Variants in SF3B2 observed in about 807,000 individuals in gnomAD.
SF3B2 encodes splicing factor 3b subunit 2.
In SF3B2, 22 loss-of-function variants were observed where a neutral mutation model predicts 116.3. That is an observed-to-expected ratio of 0.19 (90% CI 0.14 to 0.27). The LOEUF is 0.27. Among genes scored for constraint, SF3B2 ranks in the 10% least tolerant of loss-of-function variants. SF3B2 has a pLI of 1.00. For missense variants in SF3B2, 767 were observed against 1,151.4 expected (o/e 0.67, Z 4.83); for synonymous variants, 406 against 421.6 (o/e 0.96, Z 0.45).
intron 19 of SF3B2, 165 bp from the exon 20 acceptor site, chr11:66,067,781 G>A (rs1005602071): frequency 1.8e-5 from 11 of 617,682 alleles, no homozygotes; most frequent in African/African-American, 7.4e-5. Flanking sequence ...CCACCCCCCC[G>A]CCCAATTCTT....
chr11:66,061,653 T>G (rs374302125), intron 14 of SF3B2, 33 bp from the exon 15 acceptor site: 52 of 1,526,424 alleles, frequency 3.4e-5, no homozygotes, highest in Non-Finnish European at 4.7e-5. Context: ...AGTGTCTGGG[T>G]CTACAATGTA....
chr11:66,061,892 A>G lies in SF3B2; in HGVS notation c.1871A>G (p.Asn624Ser). The G allele has an allele frequency of 6.2e-7, 1 of 1,612,022 alleles. No homozygotes were observed. The highest frequency in any genetic ancestry group is 8.5e-7 in the Non-Finnish European group (1 of 1,178,354). ...RISLGMPVGPNAHKVPPPWLI... is the reference protein window; with the variant it reads ...RISLGMPVGPSAHKVPPPWLI... ...TATCCTGTTCTCTTTTTCCTGCAGA[A>G]TGCCCACAAGGTCCCTCCCCCATGG... The change falls in exon 16 of 22, where the codon AAT (asparagine) becomes AGT (serine). Residue 624 changes from asparagine to serine, a missense_variant and splice_region_variant. Coordinates refer to ENST00000322535, the MANE Select transcript of SF3B2 (RefSeq NM_006842.3).
rs1590714932 is a variant in SF3B2 at position 66,061,745 on chromosome 11, A to G, written c.1839A>G (p.Leu613=). 1 of 1,614,198 alleles carries G rather than the reference A, an allele frequency of 6.2e-7. No homozygotes were observed. Residue 613 remains leucine (L), a synonymous_variant, in exon 15 of 22, where the codon CTA becomes CTG. Coordinates refer to ENST00000322535, the MANE Select transcript of SF3B2 (RefSeq NM_006842.3). ...AGCCAGGAGATCTGTCTGATGAGCT[A>G]AGGATTTCCTTGGGGATGCCAGTAG... is the stretch of plus-strand genomic sequence containing the variant. ...EKKPGDLSDE[L]RISLGMPVGP...
chr11:66,064,651 C>T (rs1857149949), intron 19 of SF3B2: 1 of 151,906 alleles, frequency 6.6e-6, no homozygotes, highest in Admixed American at 6.6e-5. Flanking sequence ...TATCATTTTT[C>T]CTCTGCCTGA....
In SF3B2 at chr11:66,068,259, G is replaced by A. The variant is rs763521352; in HGVS notation, c.2542G>A (p.Val848Met). Residue 848 changes from valine (V) to methionine (M), a missense_variant, in exon 21 of 22, where the codon GTG becomes ATG. Val to Met is a conservative substitution (Grantham distance 21, BLOSUM62 1). Coordinates refer to ENST00000322535, the MANE Select transcript of SF3B2 (RefSeq NM_006842.3). ...MAMTQKYEEH[V>M]REQQAQVEKE... ...CATGACCCAGAAGTATGAGGAGCAT[G>A]TGCGGGAGCAGCAGGCTCAAGTAGA... 1.2e-6 allele frequency: 2 copies of A among 1,614,076 alleles called. No individual in the cohort carries two copies. The highest frequency in any genetic ancestry group is 3.3e-5 in the Admixed American group (2 of 60,034).
intron 13 of SF3B2, 40 bp downstream of exon 13, chr11:66,060,049 C>G (rs1319815133): frequency 3.2e-6 from 5 of 1,573,072 alleles, no homozygotes; most frequent in Non-Finnish European, 4.4e-6. Flanking sequence ...CCCGGGTGTC[C>G]CCATCCTTCA....
intron 1 of SF3B2, 34 bp from the exon 2 acceptor site, chr11:66,052,639 G>A (rs1273210082): frequency 6.3e-7 from 1 of 1,598,030 alleles, no homozygotes; most frequent in Non-Finnish European, 8.5e-7. Context: ...GGCCGGGCTG[G>A]CCTGCCCCAT....
chr11:66,068,109 G>A, intron 20 of SF3B2, 39 bp from the exon 21 acceptor site: 1 of 1,612,576 alleles, frequency 6.2e-7, no homozygotes, highest in Non-Finnish European at 8.5e-7. Context: ...GGGCTTCTCT[G>A]ACTCTTTGGA....
chr11:66,059,236 G>A lies in SF3B2; in HGVS notation c.1218G>A (p.Glu406=). 1 of 1,614,072 alleles carries A rather than the reference G, an allele frequency of 6.2e-7. No individual in the cohort carries two copies. Among genetic ancestry groups the A allele is most frequent in the Non-Finnish European group, 8.5e-7 (1 of 1,180,016 alleles). ...TDDVKKEKEK[E]PEKLDKLENS... is the part of the protein sequence containing the mutation. ...ATGTGAAGAAGGAGAAAGAGAAGGA[G>A]CCAGAGAAACTTGACAAACTGGAGA... The change falls in exon 11 of 22, where the codon GAG becomes GAA. Residue 406 remains glutamate, a synonymous_variant. Coordinates refer to ENST00000322535, the MANE Select transcript of SF3B2 (RefSeq NM_006842.3). The surrounding 1 kb of genome is among the most constrained non-coding windows in gnomAD (Gnocchi z 5.0).
At position 66,059,554 on chromosome 11, in the gene SF3B2, T is replaced by C. The variant is rs1857065473; in HGVS notation, c.1360T>C (p.Leu454=). The C allele has an allele frequency of 1.2e-6, 2 of 1,613,828 alleles. No individual in the cohort carries two copies. The highest frequency in any genetic ancestry group is 1.7e-5 in the Admixed American group (1 of 59,988). The change falls in exon 12 of 22, where the codon TTG becomes CTG. Residue 454 remains leucine (L), a synonymous_variant. Transcript: ENST00000322535. The surrounding 1 kb of genome is among the most constrained non-coding windows in gnomAD (Gnocchi z 5.0). The stretch of plus-strand genomic sequence containing the variant: ...AGCCCCCAAGCTGTCCAAGAAGAAG[T>C]TGCGCCGAATGAACCGCTTCACTGT... ...PEAPKLSKKK[L]RRMNRFTVAE...
rs1565088065 is a variant in SF3B2, at chr11:66,057,337, CGTG to C, written c.742_744del (p.Gly248del). ...CATGGGAGCCCCTGTTCCCCGGCCT[CGTG>C]GTCCCCCACCGCCCCCTGGAGATGA... On this transcript the variant is annotated inframe_deletion, in exon 7 of 22. Transcript: ENST00000322535. 1 of 1,587,004 alleles carries C rather than the reference CGTG, an allele frequency of 6.3e-7. No individual in the cohort carries two copies. The highest frequency in any genetic ancestry group is 8.7e-7 in the Non-Finnish European group (1 of 1,155,158).
chr11:66,062,597 T>C (rs1468604564), intron 16 of SF3B2, among the ~76,000 whole-genome samples: 1 of 151,808 alleles, frequency 6.6e-6, no homozygotes. Flanking sequence ...TTAAAAAAAT[T>C]GATGAGTCAT....
chr11:66,052,452 A>G lies in SF3B2; in HGVS notation c.68A>G (p.His23Arg). 1.2e-6 allele frequency: 2 copies of G among 1,613,676 alleles called. No individual in the cohort carries two copies. Among genetic ancestry groups the G allele is most frequent in the Non-Finnish European group, 1.7e-6 (2 of 1,179,900 alleles). ...LQLPPPPPPG[H>R]YGAWAAQELQ... ...CTGCCGCCGCCGCCACCTCCAGGCCACTATGGCGCCTGGGCTGCCCAGGAG... is the reference window on the plus strand; with the variant it reads ...CTGCCGCCGCCGCCACCTCCAGGCCGCTATGGCGCCTGGGCTGCCCAGGAG... Residue 23 changes from histidine to arginine, a missense_variant, in exon 1 of 22, where the codon CAC becomes CGC. By Grantham distance (29) the His-to-Arg change is conservative. Transcript: ENST00000322535.
Position 66,063,044 on chromosome 11 carries a change from C to T in SF3B2, c.2013C>T (p.Gly671=). 2 of 1,613,980 alleles carry T rather than the reference C, an allele frequency of 1.2e-6. No homozygotes were observed. Among genetic ancestry groups the T allele is most frequent in the Non-Finnish European group, 1.7e-6 (2 of 1,179,930 alleles). ...CSFGYHAGGW[G]KPPVDETGKP... Reference sequence around the variant, plus strand: ...TTGGGTACCATGCTGGTGGCTGGGGCAAACCTCCAGTGGATGAGACTGGGA... The same window carrying T: ...TTGGGTACCATGCTGGTGGCTGGGGTAAACCTCCAGTGGATGAGACTGGGA... Residue 671 remains glycine (G), a synonymous_variant, in exon 17 of 22, where the codon GGC becomes GGT. Coordinates refer to ENST00000322535, the MANE Select transcript of SF3B2 (RefSeq NM_006842.3).
At chr11:66,054,179 CAA>C (rs34155501) in intron 3 of SF3B2, among the ~76,000 whole-genome samples, 11 of 105,482 alleles carry the variant, frequency 1.0e-4, no homozygotes, top group Non-Finnish European at 1.4e-4. Flanking sequence ...GAGACTGTCT[CAA>C]AAAAAAAAAA....
chr11:66,062,060 T>C, intron 16 of SF3B2, 62 bp downstream of exon 16: 1 of 1,190,262 alleles, frequency 8.4e-7, no homozygotes, highest in South Asian at 1.4e-5. Flanking sequence ...AGGTAATTTG[T>C]TTGTTTTCCT....
In SF3B2 at chr11:66,055,059, T is replaced by A. The variant is rs1190910204; in HGVS notation, c.259-17T>A. On this transcript the variant is annotated splice_polypyrimidine_tract_variant and intron_variant, in intron 3 of 21. Coordinates refer to ENST00000322535, the MANE Select transcript of SF3B2 (RefSeq NM_006842.3). ...AGATAAATGCTTCCTAGTTTTATGA[T>A]CATATTTTCTCCACAGCTCCCTGGA... The A allele has an allele frequency of 6.7e-7, 1 of 1,500,174 alleles. No individual in the cohort carries two copies. Among genetic ancestry groups the A allele is most frequent in the South Asian group, 1.4e-5 (1 of 71,856 alleles). The allele number at this position is 1,500,174 out of a possible 1,614,324, so 92.9% of individuals were successfully genotyped here. A position where few individuals can be genotyped will look rare whatever the true frequency, so the allele number is the denominator to read the frequency against.
chr11:66,067,558 T>A (rs1857209625), intron 19 of SF3B2: 3 of 459,302 alleles, frequency 6.5e-6, no homozygotes, highest in Non-Finnish European at 1.3e-5. Context: ...GTGAATTACA[T>A]ACATGAGAAC....
At chr11:66,052,585 G>C in intron 1 of SF3B2, 68 bp downstream of exon 1, 3 of 1,592,228 alleles carry the variant, frequency 1.9e-6, no homozygotes, top group East Asian at 4.5e-5. Flanking sequence ...TTACCCGGGA[G>C]ACTCGGGTGC....
Sources: allele counts gnomAD v4.1 joint callset (sites outside exome capture counted in the v4.1 genomes callset), GRCh38; gene constraint gnomAD v4.1.1; non-coding constraint Gnocchi (gnomAD v3.1); transcripts MANE v1.5; gene names NCBI Gene and HGNC (gene_info 2026-07-23, HGNC 2026-07-21).